Variants in KCP observed in about 807,000 individuals in gnomAD.
The protein encoded by KCP is kielin cysteine rich BMP regulator, also known as kielin/chordin-like protein.
In KCP, 194 loss-of-function variants were observed where a neutral mutation model predicts 212.7. The ratio of observed to expected loss-of-function variants is 0.91; its 90% confidence interval spans 0.81 to 1.03. KCP has a LOEUF of 1.03. KCP is among the 50% of genes least tolerant of loss of function. The probability of loss-of-function intolerance (pLI) is 0.00; values close to 1 mark genes in which losing one functional copy is unlikely to be tolerated. For synonymous variants in KCP, 833 were observed against 865.3 expected (o/e 0.96, Z 0.65); for missense variants, 2,080 against 2,162.5 (o/e 0.96, Z 0.76).
chr7:128,903,685 A>G (rs968837767), intron 7 of KCP, 42 bp downstream of exon 7: 274 of 1,458,554 alleles, frequency 1.9e-4, no homozygotes, highest in Non-Finnish European at 2.4e-4. Context: ...TGGCACGACA[A>G]CCTACCTGTG....
At chr7:128,883,086 A>G (rs1234591888) in intron 29 of KCP, among the ~76,000 whole-genome samples, 1 of 152,084 alleles carries the variant, frequency 6.6e-6, no homozygotes, top group Non-Finnish European at 1.5e-5. Flanking sequence ...AACCCAAATA[A>G]AAAAACCAAA....
intron 39 of KCP, 24 bp downstream of exon 39, chr7:128,877,460 C>A: frequency 1.3e-6 from 2 of 1,549,646 alleles, no homozygotes; most frequent in Non-Finnish European, 1.7e-6. Flanking sequence ...CTCCCCCAAC[C>A]TGCAGCGGGC....
chr7:128,903,013 G>T (rs1404845671), intron 7 of KCP, among the ~76,000 whole-genome samples, 154 bp from the exon 8 acceptor site: 1 of 152,196 alleles, frequency 6.6e-6, no homozygotes, highest in Non-Finnish European at 1.5e-5. Flanking sequence ...TTCCCCAGTG[G>T]CTCCCAGTGC....
At chr7:128,887,498 T>A (rs1388781487) in intron 22 of KCP, among the ~76,000 whole-genome samples, 198 bp from the exon 23 acceptor site, 1 of 101,390 alleles carries the variant, frequency 9.9e-6, no homozygotes, top group Non-Finnish European at 2.0e-5. Flanking sequence ...CATACACGCA[T>A]ATACACACAG....
rs185556421 is a variant in KCP at position 128,909,791 on chromosome 7, C to T, written c.76+810G>A. On this transcript the variant is annotated intron_variant, in intron 1 of 39. Transcript: ENST00000610776. ...TTCTGGCTTATATCAGGGATTCTAA[C>T]TCAGTTCCCGCACCCTGGGCGAATA... Among the ~76,000 whole-genome samples the T allele has an allele frequency of 2.0e-5, 3 of 152,342 alleles. No homozygotes were observed. In the East Asian group the frequency reaches 5.8e-4, roughly 29 times the overall value.
Position 128,886,486 on chromosome 7 carries a change from C to T in KCP, c.2844G>A (p.Gly948=), listed in dbSNP as rs978567130. ...TACCTCTGCAGCGAGGGCAGCAGCT[C>T]CCCCGCTCGGTGACCTGGAGCTTGC... ...LPCKLQVTER[G]SCCPRCRGCL... The change falls in exon 26 of 40, where the codon GGG becomes GGA. Residue 948 remains glycine (G), a synonymous_variant. Transcript: ENST00000610776. The T allele has an allele frequency of 1.9e-6, 3 of 1,549,886 alleles. No homozygotes were observed. The highest frequency in any genetic ancestry group is 2.6e-6 in the Non-Finnish European group (3 of 1,146,304).
At chr7:128,890,219 C>A in intron 21 of KCP, 124 bp downstream of exon 21, 1 of 1,528,780 alleles carries the variant, frequency 6.5e-7, no homozygotes, top group Non-Finnish European at 8.8e-7. Context: ...GGCTCCCAGC[C>A]TCGGGGCTTT....
intron 29 of KCP, 125 bp downstream of exon 29, chr7:128,883,877 G>C (rs1793480434): frequency 4.1e-6 from 5 of 1,220,698 alleles, no homozygotes. Context: ...CGCCGGCCAG[G>C]CATAGGGTTC....
In KCP at chr7:128,904,055, C is replaced by T. The variant is rs762779399; in HGVS notation, c.654+1G>A. On this transcript the variant is annotated splice_donor_variant, in intron 6 of 39. Transcript: ENST00000610776. LOFTEE classifies it high-confidence loss of function. ...TGGGCAGAGGGGACAGGTGGACTCA[C>T]CAGGCAGGTGCACTGTAGACAAGGG... 4 of 1,551,278 alleles carry T rather than the reference C, an allele frequency of 2.6e-6. No individual in the cohort carries two copies. In the South Asian group the frequency reaches 4.8e-5, roughly 18 times the overall value.
Position 128,907,253 on chromosome 7 carries a change from G to A in KCP, c.409+11C>T, listed in dbSNP as rs1352725332. 17 of 1,535,560 alleles carry A rather than the reference G, an allele frequency of 1.1e-5. No individual in the cohort carries two copies. The highest frequency in any genetic ancestry group is 3.6e-5 in the South Asian group (3 of 83,388). The stretch of plus-strand genomic sequence containing the variant: ...TAGGTGGCCCCAGTGGGCGGATAGG[G>A]TGGCACTTACCCCTGCAATGGGGCA... On this transcript the variant is annotated intron_variant, in intron 3 of 39. Transcript: ENST00000610776.
rs369819620 is a variant in KCP at position 128,887,816 on chromosome 7, C to CACAT, written c.2513-517_2513-516insATGT. On this transcript the variant is annotated intron_variant, in intron 22 of 39. Transcript: ENST00000610776. ...CCACATACACACATACCCATATACA[C>CACAT]AGCCACATACACACACACACACACA... 9.7e-3 allele frequency among the ~76,000 whole-genome samples: 1,320 copies of CACAT among 136,372 alleles called. 32 individuals carry two copies. The highest frequency in any genetic ancestry group is 0.04 in the African/African-American group (1,276 of 32,084). 89.5% of individuals were successfully genotyped at this position (136,372 alleles called of 152,430 possible). A position where few individuals can be genotyped will look rare whatever the true frequency, so the allele number is the denominator to read the frequency against.
chr7:128,904,137 G>C lies in KCP; in HGVS notation c.573C>G (p.Gly191=), dbSNP rs780908743. The part of the protein sequence containing the change: ...PGACCPHCKP[G]CDYEGQLYEE... ...CATAAAGCTGCCCCTCATAATCACAGCCTGGGAAGGTTGGCAGGATGACAA... is the reference window on the plus strand; with the variant it reads ...CATAAAGCTGCCCCTCATAATCACACCCTGGGAAGGTTGGCAGGATGACAA... The change falls in exon 6 of 40, where the codon GGC becomes GGG. Residue 191 remains glycine, a splice_region_variant and synonymous_variant. Coordinates refer to ENST00000610776, the MANE Select transcript of KCP (RefSeq NM_001366122.1). The C allele has an allele frequency of 7.7e-6, 12 of 1,551,556 alleles. No homozygotes were observed. The highest frequency in any genetic ancestry group is 1.0e-5 in the Non-Finnish European group (12 of 1,146,910).
At chr7:128,892,321 G>T (rs1466639969) in intron 16 of KCP, among the ~76,000 whole-genome samples, 193 bp downstream of exon 16, 1 of 152,154 alleles carries the variant, frequency 6.6e-6, no homozygotes, top group Non-Finnish European at 1.5e-5. Context: ...GTAGGTACAG[G>T]CAGGAATAAA....
intron 39 of KCP, 47 bp downstream of exon 39, chr7:128,877,435 TTC>T (rs1315004189): frequency 6.5e-7 from 1 of 1,542,476 alleles, no homozygotes; most frequent in Non-Finnish European, 8.8e-7. Context: ...GCTGCCCTTC[TTC>T]TCTGTGCTGA....
At position 128,884,792 on chromosome 7, in the gene KCP, A is replaced by G. The variant is rs1585203135; in HGVS notation, c.3112T>C (p.Cys1038Arg). The change falls in exon 28 of 40, where the codon TGC becomes CGC. Residue 1038 changes from cysteine (C) to arginine (R), a missense_variant. Cys to Arg is a radical substitution (Grantham distance 180). Coordinates refer to ENST00000610776, the MANE Select transcript of KCP (RefSeq NM_001366122.1). The part of the protein sequence containing the change: ...FQPGADPCEV[C>R]ICEPQPEGPP... Reference sequence around the variant, plus strand: ...GTGCCCTCACCTACCTCGCAGATGCACACTTCACAGGGGTCTGCCCCAGGC... The same window carrying G: ...GTGCCCTCACCTACCTCGCAGATGCGCACTTCACAGGGGTCTGCCCCAGGC... 1 of 1,550,974 alleles carries G rather than the reference A, an allele frequency of 6.4e-7. No homozygotes were observed. The highest frequency in any genetic ancestry group is 8.7e-7 in the Non-Finnish European group (1 of 1,146,948).
intron 5 of KCP, among the ~76,000 whole-genome samples, chr7:128,904,963 G>A (rs1795049675): frequency 6.6e-6 from 1 of 150,564 alleles, no homozygotes; most frequent in South Asian, 2.1e-4. Context: ...CAGTGGCCCT[G>A]AGGCACCACG....
In KCP at chr7:128,880,697, C is replaced by T. The variant is rs998913331; in HGVS notation, c.3538G>A (p.Glu1180Lys). The change falls in exon 33 of 40, where the codon GAG (glutamate) becomes AAG (lysine). Residue 1180 changes from glutamate (E) to lysine (K), a missense_variant. Transcript: ENST00000610776. Reference protein sequence around the residue: ...CHRGHVECHLEECQALSCPHG... With the variant: ...CHRGHVECHLKECQALSCPHG... ...GGGCAGGAGAGGGCCTGGCACTCCTCGAGGTGGCACTCCACATGGCCCCGC... is the reference window on the plus strand; with the variant it reads ...GGGCAGGAGAGGGCCTGGCACTCCTTGAGGTGGCACTCCACATGGCCCCGC... 8.6e-6 allele frequency: 4 copies of T among 467,014 alleles called. No individual in the cohort carries two copies. The highest frequency in any genetic ancestry group is 4.0e-5 in the African/African-American group (2 of 49,808). 28.9% of individuals were successfully genotyped at this position (467,014 alleles called of 1,614,324 possible). A position where few individuals can be genotyped will look rare whatever the true frequency, so the allele number is the denominator to read the frequency against.
intron 37 of KCP, chr7:128,878,965 A>G (rs535455973): frequency 9.7e-5 from 50 of 513,308 alleles, no homozygotes; most frequent in African/African-American, 9.0e-4. Flanking sequence ...GCATGAGGGC[A>G]CCTTCTCCTG....
Position 128,891,703 on chromosome 7 carries a change from G to A in KCP, c.1738C>T (p.Pro580Ser). ...GHAHCQPRPCPRAPCAHPLPG... is the reference protein window; with the variant it reads ...GHAHCQPRPCSRAPCAHPLPG... The stretch of plus-strand genomic sequence containing the variant: ...AGCGGGTGGGCACAGGGGGCCCTGG[G>A]GCAGGGGCGAGGCTGGCAGTGGGCA... Residue 580 changes from proline to serine, a missense_variant, in exon 17 of 40, where the codon CCC becomes TCC. Coordinates refer to ENST00000610776, the MANE Select transcript of KCP (RefSeq NM_001366122.1). 2 of 1,450,518 alleles carry A rather than the reference G, an allele frequency of 1.4e-6. No homozygotes were observed. The highest frequency in any genetic ancestry group is 1.8e-6 in the Non-Finnish European group (2 of 1,100,128). The allele number at this position is 1,450,518 out of a possible 1,614,324, so 89.9% of individuals were successfully genotyped here.
Sources: allele counts gnomAD v4.1 joint callset (sites outside exome capture counted in the v4.1 genomes callset), GRCh38; gene constraint gnomAD v4.1.1; transcripts MANE v1.5; gene names NCBI Gene and HGNC (gene_info 2026-07-23, HGNC 2026-07-21).